The following CLASP1 variants were observed in gnomAD, a reference collection of about 807,000 sequenced individuals.
CLASP1 encodes the protein cytoplasmic linker associated protein 1.
Under a neutral mutation model 192.3 loss-of-function variants are expected in CLASP1, and 38 were observed. The observed-to-expected ratio is 0.20, with a 90% CI of 0.15 to 0.26. The LOEUF is 0.26. Ranked by LOEUF, CLASP1 falls within the 10% of genes least tolerant of loss-of-function variation. The pLI is 1.00. For synonymous variants in CLASP1, 691 were observed against 712.8 expected (o/e 0.97, Z 0.49); for missense variants, 1,433 against 1,932.5 (o/e 0.74, Z 4.85).
intron 24 of CLASP1, among the ~76,000 whole-genome samples, chr2:121,409,767 T>C (rs961859516): frequency 2.0e-5 from 3 of 152,230 alleles, no homozygotes; most frequent in African/African-American, 7.2e-5. Flanking sequence ...CAGATAATTC[T>C]GTTCCAGCTC....
At chr2:121,367,473 G>T in intron 35 of CLASP1, 115 bp downstream of exon 36, 2 of 1,383,170 alleles carry the variant, frequency 1.4e-6, no homozygotes, top group Non-Finnish European at 2.0e-6. Flanking sequence ...TAAGCAGAAA[G>T]AACAGACCCA....
intron 37 of CLASP1, among the ~76,000 whole-genome samples, chr2:121,356,477 TAA>T (rs1384478088): frequency 1.3e-5 from 2 of 152,194 alleles, no homozygotes; most frequent in Non-Finnish European, 2.9e-5. Flanking sequence ...TTCCAGGCTA[TAA>T]GTCTGGAGAC....
At chr2:121,361,193 C>T (rs1234414209) in intron 37 of CLASP1, among the ~76,000 whole-genome samples, 1 of 152,190 alleles carries the variant, frequency 6.6e-6, no homozygotes, top group African/African-American at 2.4e-5. Flanking sequence ...GGTGCAGTGG[C>T]TCATGCCCGT....
chr2:121,609,435 CTTCT>C (rs1398317137), intron 1 of CLASP1, among the ~76,000 whole-genome samples: 1 of 152,176 alleles, frequency 6.6e-6, no homozygotes, highest in East Asian at 1.9e-4. Context: ...TGAATTCTCT[CTTCT>C]TTTTCTTCTT....
At chr2:121,371,796 C>A (rs1433220598) in intron 34 of CLASP1, among the ~76,000 whole-genome samples, 1 of 152,208 alleles carries the variant, frequency 6.6e-6, no homozygotes, top group African/African-American at 2.4e-5. Context: ...CGCATCCAAT[C>A]ATCTGCTCTC....
intron 2 of CLASP1, among the ~76,000 whole-genome samples, chr2:121,581,166 A>C: frequency 6.6e-6 from 1 of 151,812 alleles, no homozygotes. Context: ...GCAGACCAGC[A>C]TTCCACAAAG....
At chr2:121,432,483 A>C (rs2081603113) in intron 19 of CLASP1, among the ~76,000 whole-genome samples, 1 of 152,166 alleles carries the variant, frequency 6.6e-6, no homozygotes, top group African/African-American at 2.4e-5. Context: ...GCCTTTTCCT[A>C]AGCCCTTTGC....
chr2:121,482,630 G>C (rs189189070), intron 8 of CLASP1, among the ~76,000 whole-genome samples: 1 of 152,280 alleles, frequency 6.6e-6, no homozygotes, highest in African/African-American at 2.4e-5. Flanking sequence ...GGGTGAATTA[G>C]GGAAGATGGG....
intron 38 of CLASP1, 66 bp downstream of exon 39, chr2:121,348,446 T>C: frequency 5.6e-6 from 8 of 1,416,452 alleles, no homozygotes; most frequent in Non-Finnish European, 7.7e-6. Context: ...ACAAAGCCCT[T>C]ACATTACTTC....
intron 35 of CLASP1, among the ~76,000 whole-genome samples, chr2:121,365,639 T>G (rs904151919): frequency 1.3e-5 from 2 of 152,154 alleles, no homozygotes; most frequent in Admixed American, 6.5e-5. Context: ...TCTGAAACTC[T>G]CTCCCACTGC....
chr2:121,536,177 C>T (rs866529484), intron 2 of CLASP1, among the ~76,000 whole-genome samples: 4 of 150,658 alleles, frequency 2.7e-5, no homozygotes, highest in Admixed American at 6.6e-5. Flanking sequence ...GTCAGGAGAT[C>T]GAGACCATCC....
intron 1 of CLASP1, among the ~76,000 whole-genome samples, chr2:121,619,758 T>A (rs1351012756): frequency 6.6e-6 from 1 of 152,226 alleles, no homozygotes; most frequent in East Asian, 1.9e-4. Context: ...TTCTATTTTT[T>A]CTCCTCCTGT....
chr2:121,568,704 G>A (rs964254200), intron 2 of CLASP1, among the ~76,000 whole-genome samples: 4 of 151,938 alleles, frequency 2.6e-5, no homozygotes, highest in African/African-American at 2.4e-5. Context: ...TTTTCTTGAA[G>A]TCACCATTAC....
chr2:121,542,038 T>C (rs117116022), intron 2 of CLASP1, among the ~76,000 whole-genome samples: 62 of 152,230 alleles, frequency 4.1e-4, no homozygotes, highest in Non-Finnish European at 6.6e-4. Context: ...CTGCAAGACA[T>C]CCAGGCACAC....
intron 11 of CLASP1, 53 bp from the exon 12 acceptor site, chr2:121,460,178 A>G: frequency 7.1e-7 from 1 of 1,410,782 alleles, no homozygotes; most frequent in Non-Finnish European, 9.7e-7. Flanking sequence ...AACACAGACT[A>G]TACACAACAA....
chr2:121,530,145 G>A lies in CLASP1; in HGVS notation c.274+102C>T, dbSNP rs2094726950. ...GGAAGGGAGGGAGAGGGGGCTGGAG[G>A]GGAGGCAGGGTGGCTGCCGGGAGGG... On this transcript the variant is annotated intron_variant, in intron 3 of 39. Transcript: ENST00000263710. 3.2e-6 allele frequency: 3 copies of A among 950,656 alleles called. No individual in the cohort carries two copies. The South Asian group carries it at 4.4e-5, about 14-fold the overall frequency. The allele number at this position is 950,656 out of a possible 1,614,324, so 58.9% of individuals were successfully genotyped here. A position where few individuals can be genotyped will look rare whatever the true frequency, so the allele number is the denominator to read the frequency against.
intron 6 of CLASP1, among the ~76,000 whole-genome samples, chr2:121,518,005 G>C (rs979289523): frequency 2.0e-5 from 3 of 150,308 alleles, no homozygotes; most frequent in African/African-American, 7.4e-5. Context: ...TTCAAGTTCA[G>C]GCGAGTTCAA....
chr2:121,430,167 G>A (rs755992361), exon 20 of CLASP1: 3 of 1,566,214 alleles, frequency 1.9e-6, no homozygotes, highest in Non-Finnish European at 8.7e-7. Context: ...GCCGTCTTGT[G>A]CGGATCCGAC....
chr2:121,597,088 G>A (rs928948585), intron 2 of CLASP1, among the ~76,000 whole-genome samples: 1 of 152,170 alleles, frequency 6.6e-6, no homozygotes, highest in African/African-American at 2.4e-5. Flanking sequence ...TGTAAGTACA[G>A]CAACTGGCAC....
Sources: allele counts gnomAD v4.1 joint callset (sites outside exome capture counted in the v4.1 genomes callset), GRCh38; gene constraint gnomAD v4.1.1; transcripts MANE v1.5; gene names NCBI Gene and HGNC (gene_info 2026-07-23, HGNC 2026-07-21).